Variants in STAG1 observed in about 807,000 individuals in gnomAD.
STAG1 encodes the protein cohesin subunit SA-1.
In STAG1, 26 loss-of-function variants were observed where a neutral mutation model predicts 170.9. The ratio of observed to expected loss-of-function variants is 0.15; its 90% CI spans 0.11 to 0.21. The LOEUF is 0.21. STAG1 is among the 10% of genes least tolerant of loss of function. The pLI is 1.00. For missense variants in STAG1, 964 were observed against 1,509.5 expected (o/e 0.64, Z 5.99); for synonymous variants, 514 against 497.7 (o/e 1.03, Z -0.44).
intron 6 of STAG1, 34 bp downstream of exon 6, chr3:136,542,081 ATAAG>A: frequency 6.9e-7 from 1 of 1,439,326 alleles, no homozygotes; most frequent in Non-Finnish European, 9.7e-7. Context: ...ATGTGAAAGT[ATAAG>A]TAAGCAATTT....
intron 1 of STAG1, among the ~76,000 whole-genome samples, chr3:136,735,426 T>C (rs1425064935): frequency 2.0e-5 from 3 of 151,764 alleles, no homozygotes; most frequent in Non-Finnish European, 4.4e-5. Flanking sequence ...GTGCCCAGCC[T>C]TGCCTCTGCA....
chr3:136,647,239 C>T (rs1941058592), intron 1 of STAG1, among the ~76,000 whole-genome samples: 1 of 152,068 alleles, frequency 6.6e-6, no homozygotes, highest in African/African-American at 2.4e-5. Context: ...ACATACATCC[C>T]ATTAGTAAAT....
intron 12 of STAG1, 31 bp from the exon 13 acceptor site, chr3:136,465,019 A>G: frequency 6.7e-7 from 1 of 1,497,806 alleles, no homozygotes; most frequent in Non-Finnish European, 9.1e-7. Flanking sequence ...CATCTGATCT[A>G]AAGCAAATGT....
At chr3:136,583,129 T>C (rs1388651741) in intron 4 of STAG1, among the ~76,000 whole-genome samples, 2 of 152,142 alleles carry the variant, frequency 1.3e-5, no homozygotes, top group Non-Finnish European at 2.9e-5. Context: ...TTAAAAGCAG[T>C]AGGCTCTCAG....
intron 25 of STAG1, among the ~76,000 whole-genome samples, chr3:136,366,660 G>C (rs1230255528): frequency 1.3e-5 from 2 of 152,100 alleles, no homozygotes; most frequent in Non-Finnish European, 2.9e-5. Context: ...GCCACATCAA[G>C]AAGGTCTCTG....
chr3:136,731,229 C>T (rs1217867294), intron 1 of STAG1, among the ~76,000 whole-genome samples: 1 of 151,794 alleles, frequency 6.6e-6, no homozygotes, highest in Non-Finnish European at 1.5e-5. Context: ...TCATTACCCA[C>T]TACAAAACTT....
Position 136,532,284 on chromosome 3 carries a change from T to C in STAG1, c.471+9835A>G, listed in dbSNP as rs1031377065. Among the ~76,000 whole-genome samples the C allele has an allele frequency of 3.9e-5, 6 of 152,172 alleles. No individual in the cohort carries two copies. In the East Asian group the frequency reaches 7.7e-4, roughly 20 times the overall value. ...CTGTTGACTTTGGTTTGCTAGAATT[T>C]TTGTATCTAACTTCATCAGGGATGT... On this transcript the variant is annotated intron_variant, in intron 6 of 33. Transcript: ENST00000383202.
chr3:136,732,566 T>C (rs1312019338), intron 1 of STAG1, among the ~76,000 whole-genome samples: 4 of 152,198 alleles, frequency 2.6e-5, no homozygotes, highest in African/African-American at 9.7e-5. Flanking sequence ...ATAACCTTCA[T>C]CTCTCAATTA....
intron 21 of STAG1, among the ~76,000 whole-genome samples, chr3:136,415,643 C>T (rs913475256): frequency 9.2e-5 from 14 of 152,260 alleles, no homozygotes; most frequent in African/African-American, 2.9e-4. Context: ...TTCAAGACAG[C>T]CTGGCCAACA....
chr3:136,430,847 A>ACACACACC (rs2088281367), intron 16 of STAG1, among the ~76,000 whole-genome samples: 1 of 143,680 alleles, frequency 7.0e-6, no homozygotes, highest in Admixed American at 6.9e-5. Flanking sequence ...ACACACACAC[A>ACACACACC]CACACAGCCT....
chr3:136,579,958 ATTTTTTTTTTTT>A (rs749325884), intron 4 of STAG1, among the ~76,000 whole-genome samples: 4 of 73,646 alleles, frequency 5.4e-5, no homozygotes, highest in Admixed American at 1.8e-4. Flanking sequence ...TACCATCTGA[ATTTTTTTTTTTT>A]TTTTTTTTTT....
rs190261078 is a variant in STAG1, at chr3:136,623,328, C to T, written c.30-80G>A. 46 of 1,265,854 alleles carry T rather than the reference C, an allele frequency of 3.6e-5. No individual in the cohort carries two copies. In the Admixed American group the frequency reaches 5.2e-4, roughly 14 times the overall value. 78.4% of individuals were successfully genotyped at this position (1,265,854 alleles called of 1,614,324 possible). On this transcript the variant is annotated intron_variant, in intron 2 of 33. Transcript: ENST00000383202. ...GTTTCACTACTTTCCTTACCACCTG[C>T]TATATGGCTGATTAGAAGTGGTTTA...
At chr3:136,740,371 C>T (rs1934602354) in intron 1 of STAG1, among the ~76,000 whole-genome samples, 2 of 152,240 alleles carry the variant, frequency 1.3e-5, no homozygotes, top group Admixed American at 1.3e-4. Context: ...TTAATCCAAG[C>T]CTCAGTTCCT....
At chr3:136,603,082 T>G (rs1245048357) in intron 4 of STAG1, among the ~76,000 whole-genome samples, 2 of 151,948 alleles carry the variant, frequency 1.3e-5, no homozygotes, top group Non-Finnish European at 2.9e-5. Flanking sequence ...AAAGAAACAC[T>G]AAACACCCTT....
intron 5 of STAG1, among the ~76,000 whole-genome samples, chr3:136,544,078 C>A (rs1936033146): frequency 6.6e-6 from 1 of 152,132 alleles, no homozygotes. Flanking sequence ...TTCCCATCAC[C>A]TAGACCTATA....
At chr3:136,686,616 A>G (rs1942541046) in intron 1 of STAG1, among the ~76,000 whole-genome samples, 1 of 152,244 alleles carries the variant, frequency 6.6e-6, no homozygotes, top group Non-Finnish European at 1.5e-5. Context: ...GAACAGTAAC[A>G]TAATAAATCT....
chr3:136,478,837 G>A lies in STAG1; in HGVS notation c.903-1425C>T, dbSNP rs376368343. 9.2e-5 allele frequency among the ~76,000 whole-genome samples: 14 copies of A among 152,206 alleles called. No individual in the cohort carries two copies. The East Asian group carries it at 1.9e-3, about 21-fold the overall frequency. ...ATAGTGGCTAAAAGTACAGGCTCTG[G>A]AGGAAGACATCCTGAGTTCAAATCC... is the stretch of plus-strand genomic sequence containing the variant. On this transcript the variant is annotated intron_variant, in intron 9 of 33. Transcript: ENST00000383202.
intron 1 of STAG1, among the ~76,000 whole-genome samples, chr3:136,660,352 A>G (rs958182191): frequency 1.3e-5 from 2 of 152,206 alleles, no homozygotes; most frequent in Non-Finnish European, 2.9e-5. Flanking sequence ...TATGGCCCAC[A>G]ATTGAAGAAA....
At chr3:136,582,568 G>A (rs1337482372) in intron 4 of STAG1, among the ~76,000 whole-genome samples, 1 of 152,244 alleles carries the variant, frequency 6.6e-6, no homozygotes, top group Non-Finnish European at 1.5e-5. Context: ...AGAGGCTGAG[G>A]TGGGTGGATC....
Sources: gnomAD v4.1 joint callset for allele counts (sites outside exome capture counted in the v4.1 genomes callset) on GRCh38, gnomAD v4.1.1 for gene constraint, MANE v1.5 for transcripts, NCBI Gene and HGNC (gene_info 2026-07-23, HGNC 2026-07-21) for gene names.